Variants in CSMD1 observed in about 807,000 individuals in gnomAD.
CSMD1 encodes the protein CUB and Sushi multiple domains 1.
In CSMD1, 213 loss-of-function variants were observed where a neutral mutation model predicts 417.5. The ratio of observed to expected loss-of-function variants is 0.51; its 90% CI spans 0.46 to 0.57. The LOEUF (loss-of-function observed/expected upper bound fraction) is 0.57. CSMD1 is among the 20% of genes least tolerant of loss of function. CSMD1 has a pLI of 0.00. For missense variants in CSMD1, 6,923 were observed against 4,529.7 expected, an observed-to-expected ratio of 1.53 and a Z score of -15.17; for synonymous variants, 2,862 against 1,736.8, an observed-to-expected ratio of 1.65 and a Z score of -16.11.
chr8:3,442,183 T>G (rs1234518684), intron 12 of CSMD1, among the ~76,000 whole-genome samples: 3 of 150,956 alleles, frequency 2.0e-5, no homozygotes, highest in South Asian at 4.2e-4. Flanking sequence ...AGCAAAACAA[T>G]AAAAAATTTT....
rs1472595713 is a variant in CSMD1 at position 3,367,770 on chromosome 8, A to G, written c.2900-523T>C. The stretch of plus-strand genomic sequence containing the variant: ...ATTATAGATGTAGTTATATATAGAT[A>G]CAGATATAGATGTACATATTGGCAT... On this transcript the variant is annotated intron_variant, in intron 19 of 69. Transcript: ENST00000635120. Among the ~76,000 whole-genome samples, 3 of 152,216 alleles carry G rather than the reference A, an allele frequency of 2.0e-5. No individual in the cohort carries two copies. In the East Asian group the frequency reaches 5.8e-4, roughly 29 times the overall value.
chr8:4,857,932 G>C lies in CSMD1; in HGVS notation c.85+136400C>G, dbSNP rs536937674. On this transcript the variant is annotated intron_variant, in intron 1 of 69. Coordinates refer to ENST00000635120, the MANE Select transcript of CSMD1 (RefSeq NM_033225.6). Reference sequence around the variant, plus strand: ...CATTTTATGAGGCCAGCATCATTCTGATACCAAAGCCAGGCAGAGACACAA... The same window carrying C: ...CATTTTATGAGGCCAGCATCATTCTCATACCAAAGCCAGGCAGAGACACAA... 4.0e-3 allele frequency among the ~76,000 whole-genome samples: 606 copies of C among 152,000 alleles called. 2 individuals carry two copies. Among genetic ancestry groups the C allele is most frequent in the Middle Eastern group, 0.01 (3 of 294 alleles).
chr8:3,843,295 C>G (rs1270074448), intron 5 of CSMD1, among the ~76,000 whole-genome samples: 2 of 152,052 alleles, frequency 1.3e-5, no homozygotes, highest in Non-Finnish European at 2.9e-5. Context: ...ATGAGTTTAT[C>G]TTTTTATACT....
intron 5 of CSMD1, among the ~76,000 whole-genome samples, chr8:3,914,575 TTAAAA>T (rs1272757178): frequency 1.3e-5 from 2 of 152,186 alleles, no homozygotes; most frequent in Non-Finnish European, 2.9e-5. Flanking sequence ...AGTTTACTCC[TTAAAA>T]TAAAATAAAT....
chr8:4,757,814 C>A (rs1025046369), intron 1 of CSMD1, among the ~76,000 whole-genome samples: 1 of 151,752 alleles, frequency 6.6e-6, no homozygotes, highest in Non-Finnish European at 1.5e-5. Context: ...GGAAAATTAG[C>A]GAGGCACGGT....
chr8:3,670,627 T>A (rs1210939262), intron 7 of CSMD1, among the ~76,000 whole-genome samples: 1 of 148,412 alleles, frequency 6.7e-6, no homozygotes, highest in Non-Finnish European at 1.5e-5. Flanking sequence ...GATATATATA[T>A]GGGATATTTA....
chr8:4,636,452 C>A (rs765007351), intron 2 of CSMD1, among the ~76,000 whole-genome samples: 1 of 152,074 alleles, frequency 6.6e-6, no homozygotes, highest in Non-Finnish European at 1.5e-5. Context: ...ATGCAATAGC[C>A]CTGAATGTTG....
chr8:3,836,973 A>T (rs1038613999), intron 5 of CSMD1, among the ~76,000 whole-genome samples: 5 of 152,074 alleles, frequency 3.3e-5, no homozygotes, highest in Non-Finnish European at 4.4e-5. Flanking sequence ...TATAAAAGAA[A>T]ACAGAACTAA....
chr8:4,149,955 G>A (rs964154669), intron 3 of CSMD1, among the ~76,000 whole-genome samples: 1 of 152,214 alleles, frequency 6.6e-6, no homozygotes, highest in Non-Finnish European at 1.5e-5. Context: ...ATTCTGTGAT[G>A]TGGTACACAA....
intron 12 of CSMD1, 127 bp downstream of exon 12, chr8:3,468,585 G>A (rs546662606): frequency 6.4e-5 from 38 of 596,886 alleles, no homozygotes; most frequent in Middle Eastern, 2.6e-4. Flanking sequence ...GGAAGTTCCC[G>A]TCATGATTCC....
chr8:3,891,513 C>G (rs916743238), intron 5 of CSMD1, among the ~76,000 whole-genome samples: 1 of 152,002 alleles, frequency 6.6e-6, no homozygotes. Context: ...GACCCCATGC[C>G]TAATCACACA....
At chr8:3,500,286 G>T (rs1796544796) in intron 10 of CSMD1, among the ~76,000 whole-genome samples, 1 of 152,204 alleles carries the variant, frequency 6.6e-6, no homozygotes, top group South Asian at 2.1e-4. Flanking sequence ...GGAAAGTGCT[G>T]GGCACTCTAG....
intron 6 of CSMD1, among the ~76,000 whole-genome samples, chr8:3,727,088 G>C (rs998582978): frequency 3.3e-5 from 5 of 152,036 alleles, no homozygotes; most frequent in Non-Finnish European, 4.4e-5. Flanking sequence ...GGCATTTAAT[G>C]TTACCCAACT....
At chr8:4,813,203 T>G (rs1799006490) in intron 1 of CSMD1, among the ~76,000 whole-genome samples, 1 of 152,160 alleles carries the variant, frequency 6.6e-6, no homozygotes, top group African/African-American at 2.4e-5. Context: ...GTTTTGGGCT[T>G]AGGAATATAT....
At chr8:4,153,201 C>T (rs945370470) in intron 3 of CSMD1, among the ~76,000 whole-genome samples, 6 of 152,114 alleles carry the variant, frequency 3.9e-5, no homozygotes, top group East Asian at 1.9e-4. Flanking sequence ...CCTGCTTTGC[C>T]GCTAACTCAG....
At chr8:3,296,033 G>A (rs1367285024) in intron 25 of CSMD1, among the ~76,000 whole-genome samples, 1 of 151,980 alleles carries the variant, frequency 6.6e-6, no homozygotes, top group Non-Finnish European at 1.5e-5. Flanking sequence ...GGAAGAGACA[G>A]GCAGTCCACA....
At chr8:4,048,931 C>T (rs1461992253) in intron 3 of CSMD1, among the ~76,000 whole-genome samples, 2 of 152,108 alleles carry the variant, frequency 1.3e-5, no homozygotes, top group African/African-American at 4.8e-5. Flanking sequence ...ATTTCAAATG[C>T]TGCAAATATT....
intron 49 of CSMD1, among the ~76,000 whole-genome samples, chr8:3,065,642 T>TA (rs1196553674): frequency 6.6e-6 from 1 of 152,034 alleles, no homozygotes; most frequent in Non-Finnish European, 1.5e-5. Flanking sequence ...GATTGATAGA[T>TA]AAAAAATGAC....
chr8:4,896,591 G>A (rs751336323), intron 1 of CSMD1, among the ~76,000 whole-genome samples: 1 of 151,982 alleles, frequency 6.6e-6, no homozygotes, highest in Non-Finnish European at 1.5e-5. Flanking sequence ...ATTTAACCAT[G>A]TTCATAAATT....
Sources: allele counts gnomAD v4.1 joint callset (sites outside exome capture counted in the v4.1 genomes callset), GRCh38; gene constraint gnomAD v4.1.1; transcripts MANE v1.5; gene names NCBI Gene and HGNC (gene_info 2026-07-23, HGNC 2026-07-21).